The following CDC42SE2 variants were observed in gnomAD, a reference collection of about 807,000 sequenced individuals.
CDC42SE2 encodes the protein CDC42 small effector 2, also known as CDC42 small effector protein 2.
CDC42SE2 carries 3 observed loss-of-function variants against 11.5 expected under a neutral mutation model. The ratio of observed to expected loss-of-function variants is 0.26; its 90% CI spans 0.12 to 0.67. The LOEUF is 0.67. Among genes scored for constraint, CDC42SE2 ranks in the 30% least tolerant of loss-of-function variants. The pLI is 0.80. For synonymous variants in CDC42SE2, 33 were observed against 34.8 expected (o/e 0.95, Z 0.18); for missense variants, 82 against 106.8 (o/e 0.77, Z 1.02).
intron 3 of CDC42SE2, 36 bp from the exon 4 acceptor site, chr5:131,385,507 A>G: frequency 6.9e-7 from 1 of 1,456,030 alleles, no homozygotes; most frequent in Non-Finnish European, 9.6e-7. Flanking sequence ...TGCTCATAAG[A>G]TCACTTTCTC....
chr5:131,288,427 T>G (rs549360306), intron 1 of CDC42SE2, among the ~76,000 whole-genome samples: 1 of 152,322 alleles, frequency 6.6e-6, no homozygotes, highest in South Asian at 2.1e-4. Flanking sequence ...ATCAGCCTAT[T>G]GAGTAGTTTC....
chr5:131,384,116 C>T (rs1580790546), intron 3 of CDC42SE2, among the ~76,000 whole-genome samples: 1 of 152,300 alleles, frequency 6.6e-6, no homozygotes, highest in Admixed American at 6.5e-5. Context: ...AAGGAAAACC[C>T]AACAAACTTG....
rs146246139 is a variant in CDC42SE2 at position 131,391,810 on chromosome 5, GTTTT to G, written c.*725_*728del. ...CCTGAAAATGTAGAAATAATTTCAA[GTTTT>G]TTTTTGTTTTATAGGGTTATTGTGA... On this transcript the variant is annotated 3_prime_UTR_variant, in exon 5 of 5. Coordinates refer to ENST00000505065, the MANE Select transcript of CDC42SE2 (RefSeq NM_001375635.1). 6.6e-6 allele frequency: 1 copy of G among 151,628 alleles called. No homozygotes were observed. The highest frequency in any genetic ancestry group is 6.6e-5 in the Admixed American group (1 of 15,210). The allele number at this position is 151,628 out of a possible 1,614,324, so 9.4% of individuals were successfully genotyped here. A position where few individuals can be genotyped will look rare whatever the true frequency, so the allele number is the denominator to read the frequency against.
chr5:131,311,959 C>T (rs1757926887), intron 1 of CDC42SE2, among the ~76,000 whole-genome samples: 1 of 152,230 alleles, frequency 6.6e-6, no homozygotes, highest in African/African-American at 2.4e-5. Flanking sequence ...AAGTCATTCC[C>T]TGTCCAGCTT....
chr5:131,368,842 T>G (rs1749935330), intron 3 of CDC42SE2, among the ~76,000 whole-genome samples: 1 of 152,196 alleles, frequency 6.6e-6, no homozygotes. Flanking sequence ...CCCTAAAAGA[T>G]AAGGACTCTT....
In CDC42SE2 at chr5:131,274,943, T is replaced by C. The variant is rs556645937; in HGVS notation, c.-455+10777T>C. On this transcript the variant is annotated intron_variant, in intron 1 of 4. Transcript: ENST00000505065. Reference sequence around the variant, plus strand: ...CACTCATGTCTTTGGTTACAGCTTATATGAATGTTTCTATAACTAAAAGTA... The same window carrying C: ...CACTCATGTCTTTGGTTACAGCTTACATGAATGTTTCTATAACTAAAAGTA... Among the ~76,000 whole-genome samples, 3 of 152,348 alleles carry C rather than the reference T, an allele frequency of 2.0e-5. No individual in the cohort carries two copies. In the East Asian group the frequency reaches 5.8e-4, roughly 29 times the overall value.
intron 2 of CDC42SE2, among the ~76,000 whole-genome samples, chr5:131,331,830 C>G (rs903085826): frequency 1.3e-5 from 2 of 152,120 alleles, no homozygotes; most frequent in African/African-American, 2.4e-5. Context: ...ATTATCAAAG[C>G]TTTCTATTAT....
intron 1 of CDC42SE2, among the ~76,000 whole-genome samples, chr5:131,275,383 G>A (rs1480786017): frequency 1.4e-5 from 2 of 147,600 alleles, no homozygotes; most frequent in East Asian, 4.0e-4. Flanking sequence ...TGCAAACTCC[G>A]TCTCCCGGAT....
chr5:131,290,506 A>G (rs1470875404), intron 1 of CDC42SE2, among the ~76,000 whole-genome samples: 1 of 127,370 alleles, frequency 7.9e-6, no homozygotes, highest in Non-Finnish European at 1.6e-5. Flanking sequence ...TTTTTGAGAC[A>G]GGGTATGGCT....
intron 2 of CDC42SE2, among the ~76,000 whole-genome samples, chr5:131,336,837 C>T (rs1197245015): frequency 6.6e-6 from 1 of 152,178 alleles, no homozygotes; most frequent in Non-Finnish European, 1.5e-5. Context: ...CCTTTAACGA[C>T]TTCTCTGAGT....
the CDC42SE2 span, among the ~76,000 whole-genome samples, chr5:131,240,174 T>C: frequency 6.6e-6 from 1 of 152,236 alleles, no homozygotes; most frequent in African/African-American, 2.4e-5. Flanking sequence ...CTCCATGTTT[T>C]ATGCAACAGT....
intron 1 of CDC42SE2, among the ~76,000 whole-genome samples, chr5:131,290,607 G>A (rs1029324829): frequency 3.3e-5 from 5 of 151,042 alleles, no homozygotes; most frequent in African/African-American, 1.2e-4. Flanking sequence ...AGACTCCTGA[G>A]TAGCAGAGAC....
At chr5:131,289,868 C>T (rs1757416036) in intron 1 of CDC42SE2, among the ~76,000 whole-genome samples, 1 of 151,708 alleles carries the variant, frequency 6.6e-6, no homozygotes, top group Non-Finnish European at 1.5e-5. Flanking sequence ...GAAACAGGGA[C>T]TCGCTCTGTC....
the CDC42SE2 span, among the ~76,000 whole-genome samples, chr5:131,229,960 A>T: frequency 6.6e-6 from 1 of 152,206 alleles, no homozygotes; most frequent in Non-Finnish European, 1.5e-5. Flanking sequence ...AAACTGTAAC[A>T]GGTATCTATC....
intron 2 of CDC42SE2, among the ~76,000 whole-genome samples, chr5:131,257,211 G>C (rs1316274418): frequency 6.6e-6 from 1 of 152,088 alleles, no homozygotes; most frequent in Non-Finnish European, 1.5e-5. Context: ...GTTTGCCATC[G>C]TCCAACTTCA....
chr5:131,323,552 T>C (rs1758238334), intron 2 of CDC42SE2, among the ~76,000 whole-genome samples: 1 of 134,924 alleles, frequency 7.4e-6, no homozygotes, highest in Non-Finnish European at 1.6e-5. Flanking sequence ...CTCTGGTTTT[T>C]TTTTTTTTTT....
chr5:131,347,072 A>C (rs1206052684), intron 2 of CDC42SE2, among the ~76,000 whole-genome samples: 1 of 152,208 alleles, frequency 6.6e-6, no homozygotes, highest in African/African-American at 2.4e-5. Context: ...ACACCCTAAC[A>C]TCACAATTAA....
intron 2 of CDC42SE2, among the ~76,000 whole-genome samples, chr5:131,336,580 C>T (rs1351295205): frequency 6.6e-6 from 1 of 152,186 alleles, no homozygotes; most frequent in South Asian, 2.1e-4. Flanking sequence ...CAACTTGGTT[C>T]CATTCTCCCC....
At chr5:131,235,038 G>A in the CDC42SE2 span, among the ~76,000 whole-genome samples, 1 of 149,660 alleles carries the variant, frequency 6.7e-6, no homozygotes, top group African/African-American at 2.5e-5. Context: ...ACAGGCACCC[G>A]CCACCACACC....
Sources: gnomAD v4.1 joint callset for allele counts (sites outside exome capture counted in the v4.1 genomes callset) on GRCh38, gnomAD v4.1.1 for gene constraint, MANE v1.5 for transcripts, NCBI Gene and HGNC (gene_info 2026-07-23, HGNC 2026-07-21) for gene names.